DAB1: variants seen among roughly 807,000 people sequenced by gnomAD.
The protein encoded by DAB1 is DAB adaptor protein 1.
A neutral mutation model predicts 64.6 loss-of-function variants in DAB1; 15 were observed. That is an observed-to-expected ratio of 0.23 (90% CI 0.16 to 0.36). DAB1 has a LOEUF of 0.36. Among genes scored for constraint, DAB1 ranks in the 10% least tolerant of loss-of-function variants. The pLI is 1.00. For missense variants in DAB1, 596 were observed against 706.7 expected (o/e 0.84, Z 1.78); for synonymous variants, 235 against 251.9 (o/e 0.93, Z 0.64).
chr1:57,981,594 T>C (rs1357048703), intron 5 of DAB1, among the ~76,000 whole-genome samples: 7 of 152,174 alleles, frequency 4.6e-5, no homozygotes, highest in Non-Finnish European at 1.0e-4. Flanking sequence ...CACATGTGTA[T>C]AGGGGGTTGT....
chr1:58,433,522 C>T (rs900237087), intron 3 of DAB1, among the ~76,000 whole-genome samples: 1 of 149,738 alleles, frequency 6.7e-6, no homozygotes, highest in African/African-American at 2.5e-5. Flanking sequence ...CTTTGTGCTG[C>T]GACATCCCAT....
chr1:58,032,311 C>G (rs1199918946), intron 5 of DAB1, among the ~76,000 whole-genome samples: 1 of 152,178 alleles, frequency 6.6e-6, no homozygotes, highest in Non-Finnish European at 1.5e-5. Flanking sequence ...TCCTCAGGCA[C>G]AGTGTATGGC....
At chr1:57,728,608 AC>A (rs1253441507) in intron 6 of DAB1, among the ~76,000 whole-genome samples, 1 of 149,372 alleles carries the variant, frequency 6.7e-6, no homozygotes, top group African/African-American at 2.5e-5. Flanking sequence ...AAAAACAACA[AC>A]AAAAAAAAAC....
At chr1:58,318,057 G>A (rs1329005039) in intron 4 of DAB1, among the ~76,000 whole-genome samples, 2 of 152,160 alleles carry the variant, frequency 1.3e-5, no homozygotes, top group African/African-American at 4.8e-5. Context: ...GATCCTAGCT[G>A]AGCACATAGG....
chr1:58,523,005 T>C (rs11805701), intron 2 of DAB1, among the ~76,000 whole-genome samples: 20,215 of 152,190 alleles, frequency 0.13, 1,481 homozygotes, highest in African/African-American at 0.19. Context: ...TAATTTCTGT[T>C]GTAAAATAAG....
chr1:57,985,879 C>T (rs1292570277), intron 5 of DAB1, among the ~76,000 whole-genome samples: 1 of 152,090 alleles, frequency 6.6e-6, no homozygotes, highest in Admixed American at 6.5e-5. Context: ...CCTAAGTGAT[C>T]ACACCATGCA....
intron 1 of DAB1, among the ~76,000 whole-genome samples, chr1:57,875,459 T>C (rs1644028752): frequency 2.0e-5 from 3 of 152,300 alleles, no homozygotes; most frequent in African/African-American, 7.2e-5. Context: ...CAACAAGAAC[T>C]AAATGCTTCC....
chr1:58,482,531 C>A (rs1645505681), intron 3 of DAB1, among the ~76,000 whole-genome samples: 1 of 151,742 alleles, frequency 6.6e-6, no homozygotes. Context: ...GGGGAAAAAG[C>A]TAATTCAGTT....
chr1:57,984,600 T>C (rs146211865), intron 5 of DAB1, among the ~76,000 whole-genome samples: 10 of 152,322 alleles, frequency 6.6e-5, no homozygotes, highest in South Asian at 6.2e-4. Context: ...GGCAAGTTAC[T>C]TTTACTTTGC....
intron 2 of DAB1, among the ~76,000 whole-genome samples, chr1:58,520,228 G>A (rs6587823): frequency 0.98 from 148,821 of 152,238 alleles, 72,831 homozygotes; most frequent in East Asian, 1. Flanking sequence ...AGACCTGCAC[G>A]TGTACCCTGG....
At chr1:58,264,047 A>T (rs1344423452) in intron 4 of DAB1, among the ~76,000 whole-genome samples, 2 of 152,160 alleles carry the variant, frequency 1.3e-5, no homozygotes, top group Admixed American at 6.5e-5. Context: ...ACGATGAGAA[A>T]CTCAAGCTCT....
At chr1:57,683,763 C>T (rs962505800) in intron 6 of DAB1, among the ~76,000 whole-genome samples, 1 of 152,152 alleles carries the variant, frequency 6.6e-6, no homozygotes, top group Non-Finnish European at 1.5e-5. Context: ...AGCTACCCAG[C>T]AGTGGTTGTC....
At chr1:57,320,355 A>G (rs1675601406) in intron 1 of DAB1, among the ~76,000 whole-genome samples, 1 of 152,202 alleles carries the variant, frequency 6.6e-6, no homozygotes, top group South Asian at 2.1e-4. Context: ...ACTAACAGAC[A>G]CTGGCAACCA....
At chr1:58,417,004 G>C (rs1375458250) in intron 3 of DAB1, among the ~76,000 whole-genome samples, 1 of 152,206 alleles carries the variant, frequency 6.6e-6, no homozygotes, top group Non-Finnish European at 1.5e-5. Flanking sequence ...ATAAAATGCA[G>C]TTTTGAAATG....
At chr1:58,379,247 A>G (rs979626882) in intron 3 of DAB1, among the ~76,000 whole-genome samples, 11 of 152,256 alleles carry the variant, frequency 7.2e-5, no homozygotes, top group African/African-American at 2.7e-4. Context: ...CTATCTTGGA[A>G]GTAGCAGTCA....
intron 5 of DAB1, chr1:58,047,934 T>C: frequency 2.3e-6 from 1 of 430,780 alleles, no homozygotes; most frequent in Non-Finnish European, 4.3e-6. Context: ...TTAAAACCCT[T>C]TGTTGGAATG....
chr1:57,636,111 A>AC (rs1363962676), intron 7 of DAB1, among the ~76,000 whole-genome samples: 1 of 149,242 alleles, frequency 6.7e-6, no homozygotes, highest in African/African-American at 2.5e-5. Context: ...AAAAAAAAAA[A>AC]AACAAAAACA....
chr1:57,902,156 C>CAAAAA (rs60082541), intron 5 of DAB1, among the ~76,000 whole-genome samples: 1 of 114,490 alleles, frequency 8.7e-6, no homozygotes. Flanking sequence ...GATCTTGTCT[C>CAAAAA]AAAAAAAAAA....
intron 2 of DAB1, among the ~76,000 whole-genome samples, chr1:57,263,200 C>T (rs918554285): frequency 6.6e-6 from 1 of 152,070 alleles, no homozygotes; most frequent in East Asian, 1.9e-4. Context: ...ACTGCATCCT[C>T]TGCCTCCTGG....
Sources: gnomAD v4.1 joint callset for allele counts (sites outside exome capture counted in the v4.1 genomes callset) on GRCh38, gnomAD v4.1.1 for gene constraint, MANE v1.5 for transcripts, NCBI Gene and HGNC (gene_info 2026-07-23, HGNC 2026-07-21) for gene names.